The following TRIO variants were observed in gnomAD, a reference collection of about 807,000 sequenced individuals.
The protein encoded by TRIO is trio Rho guanine nucleotide exchange factor.
A neutral mutation model predicts 351.9 loss-of-function variants in TRIO; 58 were observed. The observed-to-expected ratio is 0.16, with a 90% CI of 0.13 to 0.21. The LOEUF is 0.21. Among genes scored for constraint, TRIO ranks in the 10% least tolerant of loss-of-function variants. The probability of loss-of-function intolerance (pLI) is 1.00; values close to 1 mark genes in which losing one functional copy is unlikely to be tolerated. For missense variants in TRIO, 3,201 were observed against 4,027.8 expected, an observed-to-expected ratio of 0.79 and a Z score of 5.56; for synonymous variants, 1,758 against 1,595.7, an observed-to-expected ratio of 1.10 and a Z score of -2.42.
chr5:14,434,723 C>T (rs1312517139), intron 34 of TRIO, among the ~76,000 whole-genome samples: 3 of 152,204 alleles, frequency 2.0e-5, no homozygotes, highest in Admixed American at 2.0e-4. Flanking sequence ...TAAGAATCCA[C>T]ATTGTATTTA....
At chr5:14,306,621 C>A (rs759186295) in intron 8 of TRIO, among the ~76,000 whole-genome samples, 3 of 152,190 alleles carry the variant, frequency 2.0e-5, no homozygotes, top group Non-Finnish European at 2.9e-5. Context: ...GTCTGCATGC[C>A]CTTGCCCTTG....
At chr5:14,154,083 G>A (rs942862051) in intron 1 of TRIO, among the ~76,000 whole-genome samples, 2 of 152,150 alleles carry the variant, frequency 1.3e-5, no homozygotes, top group African/African-American at 4.8e-5. Flanking sequence ...TGTTGGCTCT[G>A]TTGAGTTTTA....
chr5:14,492,919 C>A, intron 49 of TRIO, 105 bp downstream of exon 49: 1 of 1,506,238 alleles, frequency 6.6e-7, no homozygotes, highest in Non-Finnish European at 8.9e-7. Context: ...GAAGGGAGAT[C>A]TGCGCTGGTA....
chr5:14,166,615 A>G (rs1788777122), intron 1 of TRIO, among the ~76,000 whole-genome samples: 2 of 152,184 alleles, frequency 1.3e-5, no homozygotes, highest in Admixed American at 1.3e-4. Flanking sequence ...TGCTCAGCAC[A>G]TAGTCAGTGC....
rs1465210958 is a variant in TRIO, at chr5:14,403,816, TGTGAGGGTGCAGGTGGTG to T, written c.4717-1956_4717-1939del. On this transcript the variant is annotated intron_variant, in intron 31 of 56. Coordinates refer to ENST00000344204, the MANE Select transcript of TRIO (RefSeq NM_007118.4). Reference sequence around the variant, plus strand: ...AGGTTGTGGTGGTGAGGGTGCAGGTTGTGAGGGTGCAGGTGGTGGTGAGGGTGCAGGTGGTGGTGAGGG... The same window carrying T: ...AGGTTGTGGTGGTGAGGGTGCAGGTTGTGAGGGTGCAGGTGGTGGTGAGGG... Among the ~76,000 whole-genome samples, 119 of 13,364 alleles carry T rather than the reference TGTGAGGGTGCAGGTGGTG, an allele frequency of 8.9e-3. 5 individuals carry two copies. Among genetic ancestry groups the T allele is most frequent in the South Asian group, 0.012 (5 of 402 alleles). The allele number at this position is 13,364 out of a possible 152,430, so 8.8% of individuals were successfully genotyped here.
At chr5:14,415,296 T>C (rs1749545190) in intron 33 of TRIO, among the ~76,000 whole-genome samples, 1 of 152,210 alleles carries the variant, frequency 6.6e-6, no homozygotes, top group African/African-American at 2.4e-5. Context: ...GAAGACTGAC[T>C]GCATCACCCA....
Position 14,485,086 on chromosome 5 carries a change from G to A in TRIO, c.6675G>A (p.Leu2225=), listed in dbSNP as rs1418970161. 1.3e-6 allele frequency: 2 copies of A among 1,540,466 alleles called. No individual in the cohort carries two copies. Among genetic ancestry groups the A allele is most frequent in the South Asian group, 1.3e-5 (1 of 79,642 alleles). The part of the protein sequence containing the change: ...KNSIKVSCLC[L]EENVENDPCK... ...TTTTTAAGGTGAGTTGCCTTTGCCT[G>A]GAGGAAAATGTGGAAAATGATCCCT... is the stretch of plus-strand genomic sequence containing the variant. Residue 2225 remains leucine, a synonymous_variant, in exon 47 of 57, where the codon CTG becomes CTA. Transcript: ENST00000344204.
chr5:14,144,720 C>A (rs1376331734), intron 1 of TRIO, among the ~76,000 whole-genome samples: 1 of 151,892 alleles, frequency 6.6e-6, no homozygotes, highest in African/African-American at 2.4e-5. Flanking sequence ...GACCGGTCCG[C>A]GGGAGGGGCA....
At chr5:14,479,626 A>G (rs1338643526) in intron 42 of TRIO, among the ~76,000 whole-genome samples, 1 of 152,176 alleles carries the variant, frequency 6.6e-6, no homozygotes, top group Non-Finnish European at 1.5e-5. Flanking sequence ...CAAAGTCAGA[A>G]TAATTATTAT....
chr5:14,213,368 T>C (rs1041024636), intron 1 of TRIO, among the ~76,000 whole-genome samples: 1 of 149,498 alleles, frequency 6.7e-6, no homozygotes, highest in East Asian at 1.9e-4. Flanking sequence ...TTATTTATAA[T>C]ATATGCACTA....
Position 14,502,618 on chromosome 5 carries a change from A to G in TRIO, c.8372A>G (p.Asn2791Ser). 3 of 1,614,218 alleles carry G rather than the reference A, an allele frequency of 1.9e-6. No individual in the cohort carries two copies. Among genetic ancestry groups the G allele is most frequent in the Non-Finnish European group, 2.5e-6 (3 of 1,180,042 alleles). ...MDGIMVTWKD[N>S]FDSFYSEVAE... is the part of the protein sequence containing the mutation. ...GGGATCATGGTGACCTGGAAAGACA[A>G]CTTTGACTCCTTCTACAGTGAAGTG... Residue 2791 changes from asparagine to serine, a missense_variant, in exon 54 of 57, where the codon AAC becomes AGC. Coordinates refer to ENST00000344204, the MANE Select transcript of TRIO (RefSeq NM_007118.4).
intron 1 of TRIO, among the ~76,000 whole-genome samples, chr5:14,241,275 G>C (rs2152235252): frequency 6.6e-6 from 1 of 152,298 alleles, no homozygotes; most frequent in South Asian, 2.1e-4. Flanking sequence ...TGTGTTCTAT[G>C]AGTATCATGA....
chr5:14,501,521 G>A (rs1422757251), intron 53 of TRIO, among the ~76,000 whole-genome samples: 1 of 152,244 alleles, frequency 6.6e-6, no homozygotes, highest in East Asian at 1.9e-4. Context: ...CTAGCTGGCA[G>A]CACATGGCAT....
At chr5:14,387,120 T>C (rs1208431890) in intron 21 of TRIO, among the ~76,000 whole-genome samples, 1 of 152,276 alleles carries the variant, frequency 6.6e-6, no homozygotes, top group Non-Finnish European at 1.5e-5. Flanking sequence ...AAGACCGCGT[T>C]CTTCGCATAC....
intron 33 of TRIO, among the ~76,000 whole-genome samples, chr5:14,414,913 G>A (rs1749517469): frequency 6.6e-6 from 1 of 152,122 alleles, no homozygotes; most frequent in African/African-American, 2.4e-5. Flanking sequence ...TGAGAGCCTG[G>A]GGCATAATAG....
rs111847600 is a variant in TRIO, at chr5:14,327,875, C to T, written c.1732-2903C>T. Among the ~76,000 whole-genome samples, 343 of 152,340 alleles carry T rather than the reference C, an allele frequency of 2.3e-3. 1 individual carries two copies. The highest frequency in any genetic ancestry group is 7.7e-3 in the African/African-American group (320 of 41,588). On this transcript the variant is annotated intron_variant, in intron 9 of 56. Coordinates refer to ENST00000344204, the MANE Select transcript of TRIO (RefSeq NM_007118.4). Reference sequence around the variant, plus strand: ...AGAGGTCCAGAAGTTGTCCTTGAGACATTTCTTTAGCCGTGGAATGGACCT... The same window carrying T: ...AGAGGTCCAGAAGTTGTCCTTGAGATATTTCTTTAGCCGTGGAATGGACCT...
At chr5:14,437,689 C>CG (rs1751698010) in intron 34 of TRIO, among the ~76,000 whole-genome samples, 1 of 135,816 alleles carries the variant, frequency 7.4e-6, no homozygotes, top group African/African-American at 3.0e-5. Flanking sequence ...GAGGACCACC[C>CG]CCCCCGCCCC....
At chr5:14,289,057 C>G (rs1736687328) in intron 4 of TRIO, among the ~76,000 whole-genome samples, 1 of 151,806 alleles carries the variant, frequency 6.6e-6, no homozygotes, top group Non-Finnish European at 1.5e-5. Flanking sequence ...GCCTGAGAAA[C>G]TTAGCAAGAG....
Position 14,159,010 on chromosome 5 carries a change from G to GT in TRIO, c.157+15134dup, listed in dbSNP as rs145093428. Among the ~76,000 whole-genome samples, 936 of 152,286 alleles carry GT rather than the reference G, an allele frequency of 6.1e-3. 9 individuals carry two copies. Among genetic ancestry groups the GT allele is most frequent in the African/African-American group, 0.021 (879 of 41,542 alleles). Reference sequence around the variant, plus strand: ...ACCTGAGGAAATGGAACTCAGAGAGGTTTTTTAACTTGCCCCAGCTCAGGT... The same window carrying GT: ...ACCTGAGGAAATGGAACTCAGAGAGGTTTTTTTAACTTGCCCCAGCTCAGGT... On this transcript the variant is annotated intron_variant, in intron 1 of 56. Coordinates refer to ENST00000344204, the MANE Select transcript of TRIO (RefSeq NM_007118.4).
Sources: allele counts gnomAD v4.1 joint callset (sites outside exome capture counted in the v4.1 genomes callset), GRCh38; gene constraint gnomAD v4.1.1; transcripts MANE v1.5; gene names NCBI Gene and HGNC (gene_info 2026-07-23, HGNC 2026-07-21).